Variants in FHIT observed in about 807,000 individuals in gnomAD.
The protein encoded by FHIT is bis(5'-adenosyl)-triphosphatase.
FHIT carries 19 observed loss-of-function variants against 17.9 expected under a neutral mutation model. That is an observed-to-expected ratio of 1.06 (90% CI 0.74 to 1.56). The LOEUF is 1.56. Among genes scored for constraint, FHIT ranks in the 40% most tolerant of loss-of-function variants. The probability of loss-of-function intolerance (pLI) is 0.00; values close to 1 mark genes in which losing one functional copy is unlikely to be tolerated. For missense variants in FHIT, 248 were observed against 189.2 expected (o/e 1.31, Z -1.82); for synonymous variants, 81 against 69.7 (o/e 1.16, Z -0.81).
intron 5 of FHIT, among the ~76,000 whole-genome samples, chr3:60,418,966 C>A (rs1702370385): frequency 6.6e-6 from 1 of 152,108 alleles, no homozygotes; most frequent in African/African-American, 2.4e-5. Flanking sequence ...GTCTTACAAG[C>A]AATCTGGTTC....
chr3:59,803,071 C>G (rs1204082026), intron 8 of FHIT, among the ~76,000 whole-genome samples: 2 of 152,144 alleles, frequency 1.3e-5, no homozygotes, highest in African/African-American at 2.4e-5. Context: ...ACATACCAGG[C>G]ACGGGATGAA....
chr3:60,089,355 CTA>C (rs1031022964), intron 5 of FHIT, among the ~76,000 whole-genome samples: 3 of 152,116 alleles, frequency 2.0e-5, no homozygotes, highest in East Asian at 1.9e-4. Flanking sequence ...CCTCAATAAA[CTA>C]TGAGTTCTGT....
chr3:61,134,783 G>C (rs1205545546), intron 2 of FHIT, among the ~76,000 whole-genome samples: 1 of 152,136 alleles, frequency 6.6e-6, no homozygotes, highest in African/African-American at 2.4e-5. Flanking sequence ...AAACCAGCAA[G>C]AGGCTGGTTT....
intron 5 of FHIT, among the ~76,000 whole-genome samples, chr3:60,184,003 T>G (rs1259654038): frequency 1.3e-5 from 2 of 151,476 alleles, no homozygotes; most frequent in African/African-American, 2.4e-5. Context: ...TTTTCGTTTT[T>G]TTTTTTGAGT....
At chr3:60,850,821 T>C (rs1030751137) in intron 3 of FHIT, among the ~76,000 whole-genome samples, 4 of 152,184 alleles carry the variant, frequency 2.6e-5, no homozygotes, top group African/African-American at 9.7e-5. Flanking sequence ...AGAATTTATA[T>C]AACCTACTCA....
At chr3:59,888,823 G>C (rs1703733285) in intron 8 of FHIT, among the ~76,000 whole-genome samples, 1 of 152,150 alleles carries the variant, frequency 6.6e-6, no homozygotes, top group Non-Finnish European at 1.5e-5. Flanking sequence ...ATAATAAACA[G>C]AAATTTATTT....
chr3:61,021,174 C>G (rs2032403081), intron 3 of FHIT, among the ~76,000 whole-genome samples: 1 of 152,174 alleles, frequency 6.6e-6, no homozygotes, highest in South Asian at 2.1e-4. Flanking sequence ...CTGGACCAAG[C>G]AGACCTAACA....
chr3:61,172,477 C>T (rs1576148001), intron 2 of FHIT, among the ~76,000 whole-genome samples: 2 of 152,202 alleles, frequency 1.3e-5, no homozygotes, highest in East Asian at 1.9e-4. Flanking sequence ...AGCTGAGGCA[C>T]GAGGGACAGA....
chr3:60,562,947 C>T (rs1559542268), intron 4 of FHIT, among the ~76,000 whole-genome samples: 1 of 152,150 alleles, frequency 6.6e-6, no homozygotes, highest in Non-Finnish European at 1.5e-5. Flanking sequence ...AAGTACAAAG[C>T]CCTGATATGG....
intron 3 of FHIT, among the ~76,000 whole-genome samples, chr3:61,040,404 G>A (rs995415252): frequency 7.9e-5 from 12 of 152,178 alleles, no homozygotes; most frequent in Non-Finnish European, 1.6e-4. Flanking sequence ...TGGATAAGGT[G>A]ATAGGCCACC....
chr3:60,644,108 A>C (rs2039794741), intron 4 of FHIT, among the ~76,000 whole-genome samples: 1 of 152,204 alleles, frequency 6.6e-6, no homozygotes, highest in African/African-American at 2.4e-5. Context: ...GTCATTTCAA[A>C]TACTTCCTCT....
intron 3 of FHIT, among the ~76,000 whole-genome samples, chr3:60,884,910 CA>C (rs71092651): frequency 2.8e-3 from 309 of 110,122 alleles, no homozygotes; most frequent in South Asian, 3.8e-3. Flanking sequence ...GACCCTTTCT[CA>C]AAAAAAAAAA....
At chr3:60,115,066 G>C (rs1019996237) in intron 5 of FHIT, among the ~76,000 whole-genome samples, 3 of 152,050 alleles carry the variant, frequency 2.0e-5, no homozygotes, top group African/African-American at 2.4e-5. Flanking sequence ...AATAAAATAA[G>C]AGCAGAAAAT....
chr3:60,912,221 T>G (rs1553766073), intron 3 of FHIT, among the ~76,000 whole-genome samples: 1 of 152,156 alleles, frequency 6.6e-6, no homozygotes, highest in Non-Finnish European at 1.5e-5. Flanking sequence ...GTACATGTAA[T>G]CTGAAGGCCT....
chr3:59,908,929 A>C (rs907581332), intron 8 of FHIT, among the ~76,000 whole-genome samples: 1 of 151,196 alleles, frequency 6.6e-6, no homozygotes, highest in Non-Finnish European at 1.5e-5. Context: ...GCAAGAGTTG[A>C]CTTGGTGATT....
At chr3:60,437,720 T>C (rs141871585) in intron 5 of FHIT, among the ~76,000 whole-genome samples, 2 of 152,094 alleles carry the variant, frequency 1.3e-5, no homozygotes, top group African/African-American at 2.4e-5. Flanking sequence ...TTCTAAGATA[T>C]AAATTCATAT....
At chr3:60,549,662 G>A (rs2036481875) in intron 4 of FHIT, among the ~76,000 whole-genome samples, 2 of 152,094 alleles carry the variant, frequency 1.3e-5, no homozygotes, top group Non-Finnish European at 2.9e-5. Flanking sequence ...ATAAAAATTT[G>A]TCATGACTTA....
chr3:59,825,350 G>A (rs1700939931), intron 8 of FHIT, among the ~76,000 whole-genome samples: 1 of 152,112 alleles, frequency 6.6e-6, no homozygotes, highest in Admixed American at 6.6e-5. Context: ...CTTCCTATGA[G>A]CCTCAGTGTG....
intron 5 of FHIT, among the ~76,000 whole-genome samples, chr3:60,040,072 C>G (rs1292822938): frequency 6.6e-6 from 1 of 152,100 alleles, no homozygotes; most frequent in African/African-American, 2.4e-5. Context: ...AAGATGACAC[C>G]CATAAACATG....
Sources: allele counts gnomAD v4.1 joint callset (sites outside exome capture counted in the v4.1 genomes callset), GRCh38; gene constraint gnomAD v4.1.1; transcripts MANE v1.5; gene names NCBI Gene and HGNC (gene_info 2026-07-23, HGNC 2026-07-21).